IL23R: variants seen among roughly 807,000 people sequenced by gnomAD.
IL23R encodes the protein interleukin-23 receptor.
IL23R carries 34 observed loss-of-function variants against 56.9 expected under a neutral mutation model. That is an observed-to-expected ratio of 0.60 (90% confidence interval 0.45 to 0.80). The LOEUF is 0.80. IL23R is among the 30% of genes least tolerant of loss of function. IL23R has a pLI of 0.00. For synonymous variants in IL23R, 230 were observed against 249.2 expected (o/e 0.92, Z 0.73); for missense variants, 635 against 730.0 (o/e 0.87, Z 1.50).
intron 1 of IL23R, among the ~76,000 whole-genome samples, chr1:67,157,495 A>G (rs1228540773): frequency 6.6e-5 from 10 of 151,738 alleles, no homozygotes; most frequent in Non-Finnish European, 1.5e-4. Flanking sequence ...ACTGTCCACT[A>G]CTCTTCACTG....
At chr1:67,220,842 A>G (rs186330376) in intron 7 of IL23R, among the ~76,000 whole-genome samples, 1 of 152,340 alleles carries the variant, frequency 6.6e-6, no homozygotes, top group Admixed American at 6.5e-5. Context: ...GGGCTCAAGC[A>G]ATCCTCCTGC....
chr1:67,240,541 T>C (rs964928305), intron 9 of IL23R, among the ~76,000 whole-genome samples: 2 of 152,300 alleles, frequency 1.3e-5, no homozygotes, highest in African/African-American at 2.4e-5. Context: ...TTAAAGAGGC[T>C]AAGTCCTCAG....
intron 5 of IL23R, among the ~76,000 whole-genome samples, chr1:67,203,710 A>G (rs768225034): frequency 2.0e-5 from 3 of 152,202 alleles, no homozygotes; most frequent in Non-Finnish European, 4.4e-5. Context: ...AGATAAATGA[A>G]CTGTTCTATG....
chr1:67,141,952 A>G lies in IL23R; in HGVS notation c.-634+2791A>G, dbSNP rs865943351. Among the ~76,000 whole-genome samples the G allele has an allele frequency of 6.6e-5, 10 of 152,354 alleles. No homozygotes were observed. In the Middle Eastern group the frequency reaches 0.014, roughly 207 times the overall value. On this transcript the variant is annotated intron_variant, in intron 1 of 10. Transcript: ENST00000637002. Reference sequence around the variant, plus strand: ...AGGGAGAAACAAAGACAGTTATTCAATTAAGACATGCATTACATTATTTCT... The same window carrying G: ...AGGGAGAAACAAAGACAGTTATTCAGTTAAGACATGCATTACATTATTTCT...
At chr1:67,200,629 A>G in intron 4 of IL23R, 108 bp from the exon 5 acceptor site, 1 of 1,071,978 alleles carries the variant, frequency 9.3e-7, no homozygotes, top group Non-Finnish European at 1.4e-6. Flanking sequence ...AGGTGATCCA[A>G]CCCGCTTGGT....
chr1:67,185,094 T>C lies in IL23R; in HGVS notation c.491+2135T>C, dbSNP rs551431108. 9.2e-5 allele frequency among the ~76,000 whole-genome samples: 14 copies of C among 152,370 alleles called. No individual in the cohort carries two copies. The South Asian group carries it at 1.9e-3, about 20-fold the overall frequency. ...TCCAGAACTGTAAACAATAAATTTC[T>C]GTTGTTTATAAATTGCCTAGTCTAA... On this transcript the variant is annotated intron_variant, in intron 4 of 10. Transcript: ENST00000347310.
chr1:67,233,047 T>G (rs1651200850), intron 7 of IL23R, among the ~76,000 whole-genome samples: 1 of 151,754 alleles, frequency 6.6e-6, no homozygotes, highest in African/African-American at 2.4e-5. Flanking sequence ...AATTCTCTTC[T>G]TTATAAATTT....
intron 9 of IL23R, among the ~76,000 whole-genome samples, chr1:67,240,574 C>T (rs1372129706): frequency 6.6e-6 from 1 of 152,176 alleles, no homozygotes; most frequent in African/African-American, 2.4e-5. Context: ...GAACAGTAAG[C>T]CCTGAGTCCA....
At chr1:67,171,758 G>T (rs1397608296) in intron 3 of IL23R, among the ~76,000 whole-genome samples, 1 of 152,028 alleles carries the variant, frequency 6.6e-6, no homozygotes, top group Non-Finnish European at 1.5e-5. Flanking sequence ...GTATGTGGGG[G>T]CCTAGTGCAG....
intron 7 of IL23R, among the ~76,000 whole-genome samples, chr1:67,227,430 C>CT (rs3052957): frequency 0.28 from 41,586 of 147,008 alleles, 6,112 homozygotes; most frequent in Admixed American, 0.37. Flanking sequence ...TCATATTACT[C>CT]TTTTTTTTTT....
intron 4 of IL23R, among the ~76,000 whole-genome samples, chr1:67,198,021 A>G (rs1451739102): frequency 6.6e-6 from 1 of 152,180 alleles, no homozygotes; most frequent in African/African-American, 2.4e-5. Context: ...TTCAGCTCAC[A>G]GTTCTGCAGG....
chr1:67,190,344 G>A (rs1365509122), intron 4 of IL23R, among the ~76,000 whole-genome samples: 4 of 151,646 alleles, frequency 2.6e-5, no homozygotes, highest in Non-Finnish European at 5.9e-5. Context: ...CAGCTCCTTT[G>A]CGGTGGCCTC....
In IL23R at chr1:67,168,289, A is replaced by G. The variant is rs1646897968; in HGVS notation, c.70+99A>G. ...TTTTATGTTAGAATCTCTGAAGAAT[A>G]CAAATATTATTAGACTAGAAAAAAT... On this transcript the variant is annotated intron_variant, in intron 2 of 10. Transcript: ENST00000347310. The G allele has an allele frequency of 5.3e-6, 5 of 951,846 alleles. No individual in the cohort carries two copies. In the African/African-American group the frequency reaches 6.4e-5, roughly 12 times the overall value. 59.0% of individuals were successfully genotyped at this position (951,846 alleles called of 1,614,324 possible). A position where few individuals can be genotyped will look rare whatever the true frequency, so the allele number is the denominator to read the frequency against.
downstream of IL23R, among the ~76,000 whole-genome samples, chr1:67,264,541 T>A (rs1486340362): frequency 2.6e-5 from 4 of 152,220 alleles, no homozygotes; most frequent in Non-Finnish European, 5.9e-5. Flanking sequence ...ATAACATAAT[T>A]GGGTTCTGAT....
chr1:67,218,354 G>GTATATATATA lies in IL23R; in HGVS notation c.799-1219_799-1218insATATATATAT, dbSNP rs776016660. Among the ~76,000 whole-genome samples, 36 of 128,522 alleles carry GTATATATATA rather than the reference G, an allele frequency of 2.8e-4. 1 individual carries two copies. The highest frequency in any genetic ancestry group is 7.0e-4 in the East Asian group (3 of 4,316). The allele number at this position is 128,522 out of a possible 152,430, so 84.3% of individuals were successfully genotyped here. A position where few individuals can be genotyped will look rare whatever the true frequency, so the allele number is the denominator to read the frequency against. On this transcript the variant is annotated intron_variant, in intron 6 of 10. Transcript: ENST00000347310. ...TGTGTGTGTGTGTGTGTGTGTGTGT[G>GTATATATATA]TGTGTATATATATATATATGTATGT... is the stretch of plus-strand genomic sequence containing the variant.
chr1:67,141,510 C>G (rs1299465685), intron 1 of IL23R, among the ~76,000 whole-genome samples: 4 of 152,094 alleles, frequency 2.6e-5, no homozygotes, highest in African/African-American at 9.7e-5. Flanking sequence ...ATAATCCCAG[C>G]ACTTTGGTAA....
intron 3 of IL23R, among the ~76,000 whole-genome samples, chr1:67,171,489 A>C (rs1411383589): frequency 6.6e-6 from 1 of 152,178 alleles, no homozygotes; most frequent in South Asian, 2.1e-4. Flanking sequence ...TGGTTTTTGT[A>C]AGGTAGGAAC....
At chr1:67,260,136 A>G (rs1196837677), downstream of IL23R, among the ~76,000 whole-genome samples, 1 of 152,024 alleles carries the variant, frequency 6.6e-6, no homozygotes, top group Non-Finnish European at 1.5e-5. Flanking sequence ...CGTTTGCTGT[A>G]TTATTTTTTT....
At chr1:67,208,399 A>G (rs1022977489) in intron 6 of IL23R, among the ~76,000 whole-genome samples, 8 of 152,206 alleles carry the variant, frequency 5.3e-5, no homozygotes, top group African/African-American at 1.9e-4. Context: ...AGCCCCTCCC[A>G]TCACGGGCTT....
Sources: allele counts gnomAD v4.1 joint callset (sites outside exome capture counted in the v4.1 genomes callset), GRCh38; gene constraint gnomAD v4.1.1; transcripts MANE v1.5; gene names NCBI Gene and HGNC (gene_info 2026-07-23, HGNC 2026-07-21).